ARHGEF17: variants seen among roughly 807,000 people sequenced by gnomAD.
ARHGEF17 encodes Rho guanine nucleotide exchange factor 17, also known as 164 kDa Rho-specific guanine-nucleotide exchange factor.
Under a neutral mutation model 174.0 loss-of-function variants are expected in ARHGEF17, and 80 were observed. That is an observed-to-expected ratio of 0.46 (90% CI 0.38 to 0.55). The LOEUF (loss-of-function observed/expected upper bound fraction) is 0.55. Ranked by LOEUF, ARHGEF17 falls within the 20% of genes least tolerant of loss-of-function variation. The probability of loss-of-function intolerance (pLI) is 0.00; values close to 1 mark genes in which losing one functional copy is unlikely to be tolerated. For synonymous variants in ARHGEF17, 1,311 were observed against 1,189.1 expected (o/e 1.10, Z -2.11); for missense variants, 2,886 against 2,839.7 (o/e 1.02, Z -0.37).
At chr11:73,358,852 G>A (rs1865690020) in intron 9 of ARHGEF17, among the ~76,000 whole-genome samples, 1 of 152,214 alleles carries the variant, frequency 6.6e-6, no homozygotes, top group Non-Finnish European at 1.5e-5. Context: ...CAGCAGAGCT[G>A]TTCCCAGCCT....
intron 14 of ARHGEF17, 21 bp from the exon 15 acceptor site, chr11:73,363,185 A>ATC: frequency 1.3e-6 from 2 of 1,518,012 alleles, no homozygotes. Flanking sequence ...AAATGGAGAC[A>ATC]GAGACCTTTG....
At position 73,311,491 on chromosome 11, in the gene ARHGEF17, G is replaced by A; in HGVS notation, c.2853G>A (p.Arg951=). The change falls in exon 1 of 21, where the codon CGG becomes CGA. Residue 951 remains arginine, a synonymous_variant. Transcript: ENST00000263674. ...AGACTGGCAGCCTGTCTCGGGCCCG[G>A]CCCTCCTCCAGACACGTTCGCCATG... ...QDQTGSLSRA[R]PSSRHVRHAS... is the part of the protein sequence containing the mutation. The A allele has an allele frequency of 1.9e-6, 3 of 1,613,110 alleles. No homozygotes were observed. The highest frequency in any genetic ancestry group is 2.5e-6 in the Non-Finnish European group (3 of 1,180,028).
chr11:73,317,986 C>A (rs1425221108), intron 1 of ARHGEF17, among the ~76,000 whole-genome samples: 1 of 152,102 alleles, frequency 6.6e-6, no homozygotes, highest in African/African-American at 2.4e-5. Context: ...TGCTGTGAGG[C>A]CTTCAATAAG....
chr11:73,362,151 G>A lies in ARHGEF17; in HGVS notation c.4606G>A (p.Glu1536Lys), dbSNP rs1391948465. The A allele has an allele frequency of 1.2e-6, 2 of 1,606,506 alleles. No homozygotes were observed. Among genetic ancestry groups the A allele is most frequent in the Admixed American group, 1.7e-5 (1 of 59,644 alleles). Residue 1536 changes from glutamate to lysine, a missense_variant, in exon 13 of 21, where the codon GAG becomes AAG. Glu to Lys is a moderately conservative substitution (Grantham distance 56). Transcript: ENST00000263674. The stretch of plus-strand genomic sequence containing the variant: ...GGTGTGCCTGCTGAGCCTGCGCGCC[G>A]AGCCGGACGTGGAGGCCTGCATCGC... The part of the protein sequence containing the change: ...GQVCLLSLRA[E>K]PDVEACIAVC...
chr11:73,309,591 T>C lies in ARHGEF17; in HGVS notation c.953T>C (p.Met318Thr), dbSNP rs1194326939. The C allele has an allele frequency of 6.8e-6, 11 of 1,612,786 alleles. No individual in the cohort carries two copies. The highest frequency in any genetic ancestry group is 9.3e-6 in the Non-Finnish European group (11 of 1,179,840). The change falls in exon 1 of 21, where the codon ATG (methionine) becomes ACG (threonine). Residue 318 changes from methionine to threonine, a missense_variant. By Grantham distance (81) the Met-to-Thr change is moderately conservative. Around this residue, in one of 4 missense-constraint regions of ARHGEF17, gnomAD observed 1,728 missense variants for 1,461.2 expected, o/e 1.18. Coordinates refer to ENST00000263674, the MANE Select transcript of ARHGEF17 (RefSeq NM_014786.4). ...PDSDGLNLSS[M>T]NSAGVSGSPE... Reference sequence around the variant, plus strand: ...AGTGATGGGTTAAATCTAAGCAGCATGAACTCAGCAGGGGTTTCTGGGAGC... The same window carrying C: ...AGTGATGGGTTAAATCTAAGCAGCACGAACTCAGCAGGGGTTTCTGGGAGC...
In ARHGEF17 at chr11:73,310,302, C is replaced by T; in HGVS notation, c.1664C>T (p.Ala555Val). The change falls in exon 1 of 21, where the codon GCC becomes GTC. Residue 555 changes from alanine (A) to valine (V), a missense_variant. Around this residue, in one of 4 missense-constraint regions of ARHGEF17, gnomAD observed 1,728 missense variants for 1,461.2 expected, o/e 1.18. Transcript: ENST00000263674. Reference protein sequence around the residue: ...KSFTCSEKPMARRLPRTSALK... With the variant: ...KSFTCSEKPMVRRLPRTSALK... ...TTCACCTGCTCTGAGAAGCCCATGG[C>T]CCGCCGCCTGCCCCGCACCAGTGCT... 8 of 1,613,848 alleles carry T rather than the reference C, an allele frequency of 5.0e-6. No individual in the cohort carries two copies. Among genetic ancestry groups the T allele is most frequent in the Non-Finnish European group, 6.8e-6 (8 of 1,180,004 alleles).
Position 73,310,672 on chromosome 11 carries a change from G to T in ARHGEF17, c.2034G>T (p.Thr678=). 4 of 1,613,878 alleles carry T rather than the reference G, an allele frequency of 2.5e-6. No homozygotes were observed. The highest frequency in any genetic ancestry group is 3.4e-6 in the Non-Finnish European group (4 of 1,180,000). ...WRPLSSSSAQ[T]NHHGPGTEDS... ...CTCTTTCCTCATCCTCGGCCCAGAC[G>T]AACCACCATGGCCCTGGGACTGAGG... Residue 678 remains threonine (T), a synonymous_variant, in exon 1 of 21, where the codon ACG becomes ACT. Coordinates refer to ENST00000263674, the MANE Select transcript of ARHGEF17 (RefSeq NM_014786.4).
Position 73,343,323 on chromosome 11 carries a change from G to A in ARHGEF17, c.3193-3560G>A, listed in dbSNP as rs572938033. The A allele has an allele frequency of 1.4e-4, 57 of 396,508 alleles. No individual in the cohort carries two copies. In the South Asian group the frequency reaches 2.9e-3, roughly 20 times the overall value. The allele number at this position is 396,508 out of a possible 1,614,324, so 24.6% of individuals were successfully genotyped here. On this transcript the variant is annotated intron_variant, in intron 1 of 20. Transcript: ENST00000263674. ...AGCCAGGGACCTGGGCCATGGCCTA[G>A]AACTCAGCCGACCCAGGAGCCAACC...
At position 73,309,340 on chromosome 11, in the gene ARHGEF17, C is replaced by G. The variant is rs771979178; in HGVS notation, c.702C>G (p.Ser234=). 1.2e-6 allele frequency: 2 copies of G among 1,611,074 alleles called. No homozygotes were observed. The highest frequency in any genetic ancestry group is 3.5e-4 in the Middle Eastern group (2 of 5,796). ...QAGARASCSS[S]SIAASYPVSR... Reference sequence around the variant, plus strand: ...GGGCCCGGGCCTCCTGCTCCTCCTCCTCCATCGCCGCCTCCTATCCTGTCA... The same window carrying G: ...GGGCCCGGGCCTCCTGCTCCTCCTCGTCCATCGCCGCCTCCTATCCTGTCA... Residue 234 remains serine, a synonymous_variant, in exon 1 of 21, where the codon TCC becomes TCG. Transcript: ENST00000263674.
chr11:73,359,721 G>A (rs1865704369), intron 9 of ARHGEF17, 113 bp from the exon 10 acceptor site: 5 of 887,076 alleles, frequency 5.6e-6, no homozygotes, highest in Non-Finnish European at 8.2e-6. Flanking sequence ...CTTTCGGTTT[G>A]TCAGGTCTCT....
chr11:73,313,869 G>A lies in ARHGEF17; in HGVS notation c.3192+2039G>A, dbSNP rs4944834. 5.5e-3 allele frequency among the ~76,000 whole-genome samples: 839 copies of A among 152,340 alleles called. 6 individuals are homozygous for A. The highest frequency in any genetic ancestry group is 0.037 in the South Asian group (179 of 4,830). On this transcript the variant is annotated intron_variant, in intron 1 of 20. Coordinates refer to ENST00000263674, the MANE Select transcript of ARHGEF17 (RefSeq NM_014786.4). ...TGCCTGGCAGGCTGTCTCTTGTGGT[G>A]AATGGGTGGTGTGATCATTTCCTCT...
rs768622437 is a variant in ARHGEF17, at chr11:73,356,307, C to T, written c.3796C>T (p.Arg1266Cys). The change falls in exon 6 of 21, where the codon CGT becomes TGT. Residue 1266 changes from arginine to cysteine, a missense_variant. Arg to Cys is a radical substitution (Grantham distance 180). This residue lies in a region of ARHGEF17 where 353 missense variants were observed against 470.3 expected (regional missense o/e 0.75). Coordinates refer to ENST00000263674, the MANE Select transcript of ARHGEF17 (RefSeq NM_014786.4). ...TGCCGAGGAGGCGGAGCGCCATGCC[C>T]GTGTGCTGCAGGAGATAGAGGCTCA... ...RSAEEAERHA[R>C]VLQEIEAHIE... 59 of 1,612,974 alleles carry T rather than the reference C, an allele frequency of 3.7e-5. No homozygotes were observed. The Middle Eastern group carries it at 5.0e-4, about 14-fold the overall frequency.
Position 73,362,583 on chromosome 11 carries a change from G to A in ARHGEF17, c.4845G>A (p.Ser1615=), listed in dbSNP as rs1277026731. ...GCCTTCACATCTCCATTGCAGGCTC[G>A]GGCTTGGAGATGACGCCGGGCCTCG... The part of the protein sequence containing the change: ...QPCLHISIAG[S]GLEMTPGLGE... The change falls in exon 14 of 21, where the codon TCG becomes TCA. Residue 1615 remains serine (S), a synonymous_variant. Coordinates refer to ENST00000263674, the MANE Select transcript of ARHGEF17 (RefSeq NM_014786.4). 1 of 1,610,212 alleles carries A rather than the reference G, an allele frequency of 6.2e-7. No homozygotes were observed. The highest frequency in any genetic ancestry group is 1.3e-5 in the African/African-American group (1 of 74,936).
At chr11:73,353,057 C>G in intron 3 of ARHGEF17, 45 bp downstream of exon 3, 1 of 1,606,270 alleles carries the variant, frequency 6.2e-7, no homozygotes, top group South Asian at 1.1e-5. Flanking sequence ...ACAGGCCCTC[C>G]TGGAAGGGGC....
intron 1 of ARHGEF17, among the ~76,000 whole-genome samples, chr11:73,330,050 G>A (rs1201232210): frequency 2.6e-5 from 4 of 152,152 alleles, no homozygotes; most frequent in African/African-American, 9.7e-5. Context: ...CTATCTCCAA[G>A]AGACATATGG....
chr11:73,356,293 C>T lies in ARHGEF17; in HGVS notation c.3782C>T (p.Ala1261Val), dbSNP rs377182468. 62 of 1,613,322 alleles carry T rather than the reference C, an allele frequency of 3.8e-5. No individual in the cohort carries two copies. The highest frequency in any genetic ancestry group is 1.8e-4 in the Admixed American group (11 of 60,006). Residue 1261 changes from alanine to valine, a missense_variant, in exon 6 of 21, where the codon GCG (alanine) becomes GTG (valine). By Grantham distance (64) the Ala-to-Val change is moderately conservative. Transcript: ENST00000263674. The stretch of plus-strand genomic sequence containing the variant: ...AAGGGTGTGCGGAGTGCCGAGGAGG[C>T]GGAGCGCCATGCCCGTGTGCTGCAG... ...INKGVRSAEE[A>V]ERHARVLQEI... is the part of the protein sequence containing the mutation.
At position 73,363,379 on chromosome 11, in the gene ARHGEF17, G is replaced by A; in HGVS notation, c.5170G>A (p.Gly1724Ser). The change falls in exon 15 of 21, where the codon GGC becomes AGC. Residue 1724 changes from glycine to serine, a missense_variant. Around this residue, in one of 4 missense-constraint regions of ARHGEF17, gnomAD observed 476 missense variants for 473.1 expected, o/e 1.01. Transcript: ENST00000263674. ...CTCCAGCCACGGCTCCTTCACCCGG[G>A]GCAGCCTTGAGGACCTGCTGAGTGT... Reference protein sequence around the residue: ...RRSSHGSFTRGSLEDLLSVDP... With the variant: ...RRSSHGSFTRSSLEDLLSVDP... The A allele has an allele frequency of 6.2e-7, 1 of 1,613,192 alleles. No homozygotes were observed. Among genetic ancestry groups the A allele is most frequent in the Non-Finnish European group, 8.5e-7 (1 of 1,179,910 alleles).
Position 73,364,607 on chromosome 11 carries a change from G to C in ARHGEF17, c.5550+7G>C. 6 of 1,602,538 alleles carry C rather than the reference G, an allele frequency of 3.7e-6. No homozygotes were observed. The highest frequency in any genetic ancestry group is 5.1e-6 in the Non-Finnish European group (6 of 1,175,600). ...TGACACGCTGCAGCTGGAGGTAGCA[G>C]GGGGTGGGGGAATGGAATTGGTGCC... On this transcript the variant is annotated splice_region_variant and intron_variant, in intron 18 of 20. Coordinates refer to ENST00000263674, the MANE Select transcript of ARHGEF17 (RefSeq NM_014786.4).
chr11:73,315,356 A>C (rs189879003), intron 1 of ARHGEF17, among the ~76,000 whole-genome samples: 248 of 152,316 alleles, frequency 1.6e-3, no homozygotes, highest in Non-Finnish European at 2.7e-3. Context: ...GGGCAGAACC[A>C]GGCCCATGCA....
Sources: gnomAD v4.1 joint callset for allele counts (sites outside exome capture counted in the v4.1 genomes callset) on GRCh38, gnomAD v4.1.1 for gene constraint, gnomAD v4.1.1 regional missense constraint, MANE v1.5 for transcripts, NCBI Gene and HGNC (gene_info 2026-07-23, HGNC 2026-07-21) for gene names.